Variants in MRPL55 observed in about 807,000 individuals in gnomAD.
MRPL55 encodes mitochondrial ribosomal protein L55.
A neutral mutation model predicts 10.6 loss-of-function variants in MRPL55; 7 were observed. The observed-to-expected ratio is 0.66, with a 90% CI of 0.38 to 1.24. The LOEUF (loss-of-function observed/expected upper bound fraction) is 1.24. Among genes scored for constraint, MRPL55 ranks in the 50% most tolerant of loss-of-function variants. The pLI is 0.02. For synonymous variants in MRPL55, 57 were observed against 71.8 expected (o/e 0.79, Z 1.04); for missense variants, 148 against 180.3 (o/e 0.82, Z 1.03).
intron 4 of MRPL55, 99 bp downstream of exon 4, chr1:228,107,569 A>G: frequency 1.8e-6 from 2 of 1,084,480 alleles, no homozygotes; most frequent in Admixed American, 2.0e-5. Context: ...TACAGTGACC[A>G]CAGCCACATG....
At chr1:228,107,951 C>T (rs1206957248) in intron 3 of MRPL55, 82 bp from the exon 4 acceptor site, 5 of 1,571,716 alleles carry the variant, frequency 3.2e-6, no homozygotes, top group South Asian at 1.2e-5. Flanking sequence ...TGTGATTGGG[C>T]ACTGCCGGGC....
intron 3 of MRPL55, 161 bp downstream of exon 3, chr1:228,108,074 A>G: frequency 6.5e-7 from 1 of 1,536,476 alleles, no homozygotes; most frequent in Non-Finnish European, 8.8e-7. Flanking sequence ...AGCCAGGAAG[A>G]GGCTGCCAGG....
rs35265990 is a variant in MRPL55 at position 228,107,771 on chromosome 1, C to T, written c.125G>A (p.Arg42His). The T allele has an allele frequency of 9.1e-4, 1,476 of 1,613,286 alleles. 16 individuals carry two copies. The African/African-American group carries it at 0.018, about 20-fold the overall frequency. Residue 42 changes from arginine to histidine, a missense_variant, in exon 4 of 5, where the codon CGT becomes CAT. Arg to His is a conservative substitution (Grantham distance 29). Coordinates refer to ENST00000336520, the MANE Select transcript of MRPL55 (RefSeq NM_181463.3). Reference protein sequence around the residue: ...RADSSRASLTRVHRQAYARLY... With the variant: ...RADSSRASLTHVHRQAYARLY... ...TCGTGCATAAGCCTGGCGGTGCACACGAGTGAGTGAGGCCCTGCTGCTGTC... is the reference window on the plus strand; with the variant it reads ...TCGTGCATAAGCCTGGCGGTGCACATGAGTGAGTGAGGCCCTGCTGCTGTC...
chr1:228,107,901 G>A (rs202231885), intron 3 of MRPL55, 32 bp from the exon 4 acceptor site: 485 of 1,610,154 alleles, frequency 3.0e-4, no homozygotes, highest in African/African-American at 2.7e-3. Flanking sequence ...CTGGTCAGCC[G>A]ACAGTGCTGC....
rs1307133907 is a variant in MRPL55, at chr1:228,106,739, C to G, written c.*21G>C. 2 of 1,602,102 alleles carry G rather than the reference C, an allele frequency of 1.2e-6. No individual in the cohort carries two copies. Among genetic ancestry groups the G allele is most frequent in the Admixed American group, 1.7e-5 (1 of 59,236 alleles). On this transcript the variant is annotated 3_prime_UTR_variant, in exon 5 of 5. Coordinates refer to ENST00000336520, the MANE Select transcript of MRPL55 (RefSeq NM_181463.3). Reference sequence around the variant, plus strand: ...ACAGCCCTCCCATCTTAGCAATGTCCCGGGGTGGCTGGAGCCACGGTCACT... The same window carrying G: ...ACAGCCCTCCCATCTTAGCAATGTCGCGGGGTGGCTGGAGCCACGGTCACT...
rs149569641 is a variant in MRPL55 at position 228,107,833 on chromosome 1, A to G, written c.63T>C (p.Pro21=). Residue 21 remains proline, a synonymous_variant, in exon 4 of 5, where the codon CCT becomes CCC. Transcript: ENST00000336520. The part of the protein sequence containing the change: ...LRQSTVKATG[P]ALRRLHTSSW... ...AGGATGTGTGCAGGCGGCGGAGTGC[A>G]GGTCCGGTGGCCTTCACGGTGCTCT... 619 of 1,613,174 alleles carry G rather than the reference A, an allele frequency of 3.8e-4. 7 individuals carry two copies. In the Middle Eastern group the frequency reaches 0.011, roughly 28 times the overall value.
At position 228,107,609 on chromosome 1, in the gene MRPL55, C is replaced by T. The variant is rs565821877; in HGVS notation, c.228+59G>A. 5.9e-6 allele frequency: 9 copies of T among 1,523,614 alleles called. No homozygotes were observed. The East Asian group carries it at 1.6e-4, about 27-fold the overall frequency. The allele number at this position is 1,523,614 out of a possible 1,614,324, so 94.4% of individuals were successfully genotyped here. A position where few individuals can be genotyped will look rare whatever the true frequency, so the allele number is the denominator to read the frequency against. On this transcript the variant is annotated intron_variant, in intron 4 of 4. Coordinates refer to ENST00000336520, the MANE Select transcript of MRPL55 (RefSeq NM_181463.3). ...TCCGAAGGCGACTGGTCACCAGCAC[C>T]CCCACCACAGCCTCGACCCCAGCCC... is the stretch of plus-strand genomic sequence containing the variant.
Position 228,108,248 on chromosome 1 carries a change from C to T in MRPL55, c.13G>A (p.Gly5Ser). 1 of 1,610,980 alleles carries T rather than the reference C, an allele frequency of 6.2e-7. No homozygotes were observed. Among genetic ancestry groups the T allele is most frequent in the Non-Finnish European group, 8.5e-7 (1 of 1,179,104 alleles). Reference sequence around the variant, plus strand: ...GTCCATGCTTACCCAAGCAGGCTGCCCACGGCCGCCATTCCTCCTTACAGC... The same window carrying T: ...GTCCATGCTTACCCAAGCAGGCTGCTCACGGCCGCCATTCCTCCTTACAGC... MAAV[G>S]SLLGRLRQST... Residue 5 changes from glycine (G) to serine (S), a missense_variant, in exon 3 of 5, where the codon GGC (glycine) becomes AGC (serine). Transcript: ENST00000336520.
chr1:228,106,806 A>G lies in MRPL55; in HGVS notation c.341T>C (p.Leu114Ser), dbSNP rs2033160333. The change falls in exon 5 of 5, where the codon TTG becomes TCG. Residue 114 changes from leucine (L) to serine (S), a missense_variant. Physicochemically the swap from Leu to Ser is moderately radical, Grantham distance 145. Coordinates refer to ENST00000336520, the MANE Select transcript of MRPL55 (RefSeq NM_181463.3). ...GAACTGTCGGTAGCGCTCCACATGC[A>G]AGTCATCACTGAGCTCCTGCTCGTA... ...KEYEQELSDD[L>S]HVERYRQFWT... 3 of 1,613,974 alleles carry G rather than the reference A, an allele frequency of 1.9e-6. No homozygotes were observed. The East Asian group carries it at 6.7e-5, about 36-fold the overall frequency.
rs11539678 is a variant in MRPL55 at position 228,108,244 on chromosome 1, C to T, written c.17G>A (p.Ser6Asn). 1 of 1,611,132 alleles carries T rather than the reference C, an allele frequency of 6.2e-7. No homozygotes were observed. The highest frequency in any genetic ancestry group is 8.5e-7 in the Non-Finnish European group (1 of 1,179,126). Residue 6 changes from serine (S) to asparagine (N), a missense_variant, in exon 3 of 5, where the codon AGC (serine) becomes AAC (asparagine). Transcript: ENST00000336520. ...AAAAGTCCATGCTTACCCAAGCAGGCTGCCCACGGCCGCCATTCCTCCTTA... is the reference window on the plus strand; with the variant it reads ...AAAAGTCCATGCTTACCCAAGCAGGTTGCCCACGGCCGCCATTCCTCCTTA... MAAVGSLLGRLRQSTV... is the reference protein window; with the variant it reads MAAVGNLLGRLRQSTV...
intron 4 of MRPL55, among the ~76,000 whole-genome samples, chr1:228,107,172 G>T (rs2033210870): frequency 6.6e-6 from 1 of 152,182 alleles, no homozygotes; most frequent in Non-Finnish European, 1.5e-5. Context: ...TAATCCCAGT[G>T]CTTTGGGAGG....
In MRPL55 at chr1:228,107,738, G is replaced by C. The variant is rs1477854684; in HGVS notation, c.158C>G (p.Pro53Arg). 6.2e-7 allele frequency: 1 copy of C among 1,613,116 alleles called. No homozygotes were observed. The highest frequency in any genetic ancestry group is 1.3e-5 in the African/African-American group (1 of 74,948). ...GCCATCCTGCTTCACCAGCAGCACG[G>C]GGTAGAGTCGTGCATAAGCCTGGCG... ...VHRQAYARLY[P>R]VLLVKQDGST... Residue 53 changes from proline to arginine, a missense_variant, in exon 4 of 5, where the codon CCC becomes CGC. Physicochemically the swap from Pro to Arg is moderately radical, Grantham distance 103 (BLOSUM62 -2). Transcript: ENST00000336520.
Position 228,107,835 on chromosome 1 carries a change from G to C in MRPL55, c.61C>G (p.Pro21Ala), listed in dbSNP as rs372501762. 1.3e-5 allele frequency: 21 copies of C among 1,612,976 alleles called. No individual in the cohort carries two copies. In the African/African-American group the frequency reaches 2.8e-4, roughly 22 times the overall value. The change falls in exon 4 of 5, where the codon CCT (proline) becomes GCT (alanine). Residue 21 changes from proline to alanine, a missense_variant. By Grantham distance (27) the Pro-to-Ala change is conservative. Coordinates refer to ENST00000336520, the MANE Select transcript of MRPL55 (RefSeq NM_181463.3). ...LRQSTVKATGPALRRLHTSSW... is the reference protein window; with the variant it reads ...LRQSTVKATGAALRRLHTSSW... ...GATGTGTGCAGGCGGCGGAGTGCAG[G>C]TCCGGTGGCCTTCACGGTGCTCTGC...
rs996955973 is a variant in MRPL55 at position 228,108,050 on chromosome 1, C to T, written c.27-181G>A. ...AGGAGCCACAGGCTGTGGTCAGAGG[C>T]GTTCTGGCCCCCTAGCCAGGAAGAG... is the stretch of plus-strand genomic sequence containing the variant. On this transcript the variant is annotated intron_variant, in intron 3 of 4. Transcript: ENST00000336520. 1.8e-5 allele frequency: 28 copies of T among 1,542,814 alleles called. No homozygotes were observed. In the East Asian group the frequency reaches 2.7e-4, roughly 15 times the overall value.
chr1:228,108,316 A>T lies in MRPL55; in HGVS notation c.-56T>A. On this transcript the variant is annotated splice_region_variant and 5_prime_UTR_variant, in exon 3 of 5. Coordinates refer to ENST00000336520, the MANE Select transcript of MRPL55 (RefSeq NM_181463.3). Reference sequence around the variant, plus strand: ...GTGGTCAGTACAGGCCCTGGCGTGCAACCTGCTAGGCAGAGAATGAAGAGA... The same window carrying T: ...GTGGTCAGTACAGGCCCTGGCGTGCTACCTGCTAGGCAGAGAATGAAGAGA... 1 of 1,564,026 alleles carries T rather than the reference A, an allele frequency of 6.4e-7. No homozygotes were observed. Among genetic ancestry groups the T allele is most frequent in the Non-Finnish European group, 8.7e-7 (1 of 1,148,252 alleles).
intron 4 of MRPL55, 53 bp downstream of exon 4, chr1:228,107,615 C>A: frequency 6.4e-7 from 1 of 1,567,914 alleles, no homozygotes; most frequent in Non-Finnish European, 8.7e-7. Flanking sequence ...GCACCCCCAC[C>A]ACAGCCTCGA....
rs2124884378 is a variant in MRPL55 at position 228,107,781 on chromosome 1, A to T, written c.115T>A (p.Ser39Thr). 1.2e-6 allele frequency: 2 copies of T among 1,613,286 alleles called. No individual in the cohort carries two copies. Among genetic ancestry groups the T allele is most frequent in the East Asian group, 4.5e-5 (2 of 44,874 alleles). The change falls in exon 4 of 5, where the codon TCA becomes ACA. Residue 39 changes from serine to threonine, a missense_variant. Ser to Thr is a moderately conservative substitution (Grantham distance 58, BLOSUM62 1). Transcript: ENST00000336520. ...SSWRADSSRA[S>T]LTRVHRQAYA... is the part of the protein sequence containing the mutation. ...GCCTGGCGGTGCACACGAGTGAGTG[A>T]GGCCCTGCTGCTGTCAGCTCGCCAG... is the stretch of plus-strand genomic sequence containing the variant.
intron 4 of MRPL55, 60 bp downstream of exon 4, chr1:228,107,608 C>A (rs1038862289): frequency 1.3e-6 from 2 of 1,513,858 alleles, no homozygotes; most frequent in African/African-American, 2.8e-5. Flanking sequence ...GTCACCAGCA[C>A]CCCCACCACA....
At position 228,106,997 on chromosome 1, in the gene MRPL55, C is replaced by T. The variant is rs759290201; in HGVS notation, c.229-79G>A. ...ACTGGGGGGACAGCCCAAGGCCTTC[C>T]TCTCAACTTACGTCTTCCATCCTAT... On this transcript the variant is annotated intron_variant, in intron 4 of 4. Transcript: ENST00000336520. 3.1e-5 allele frequency: 36 copies of T among 1,164,300 alleles called. 1 individual carries two copies. The highest frequency in any genetic ancestry group is 4.0e-5 in the Non-Finnish European group (32 of 807,134). 72.1% of individuals were successfully genotyped at this position (1,164,300 alleles called of 1,614,324 possible). A position where few individuals can be genotyped will look rare whatever the true frequency, so the allele number is the denominator to read the frequency against.
Sources: allele counts gnomAD v4.1 joint callset (sites outside exome capture counted in the v4.1 genomes callset), GRCh38; gene constraint gnomAD v4.1.1; transcripts MANE v1.5; gene names NCBI Gene and HGNC (gene_info 2026-07-23, HGNC 2026-07-21).